The following TP53INP1 variants were observed in gnomAD, a reference collection of about 807,000 sequenced individuals.
The protein encoded by TP53INP1 is tumor protein p53 inducible nuclear protein 1, also known as tumor protein p53-inducible nuclear protein 1.
In TP53INP1, 12 loss-of-function variants were observed where a neutral mutation model predicts 21.0. The observed-to-expected ratio is 0.57, with a 90% CI of 0.37 to 0.93. The LOEUF (loss-of-function observed/expected upper bound fraction) is 0.93. TP53INP1 is among the 40% of genes least tolerant of loss of function. The probability of loss-of-function intolerance (pLI) is 0.01; values close to 1 mark genes in which losing one functional copy is unlikely to be tolerated. For missense variants in TP53INP1, 274 were observed against 294.7 expected, an observed-to-expected ratio of 0.93 and a Z score of 0.51; for synonymous variants, 91 against 94.8, an observed-to-expected ratio of 0.96 and a Z score of 0.23.
At chr8:94,948,586 C>CG (rs1343726648) in intron 1 of TP53INP1, among the ~76,000 whole-genome samples, 3 of 152,128 alleles carry the variant, frequency 2.0e-5, no homozygotes, top group African/African-American at 7.2e-5. Context: ...GCAGGGCCTC[C>CG]GGAACTCGGA....
In TP53INP1 at chr8:94,930,561, A is replaced by C. The variant is rs200978262; in HGVS notation, c.641T>G (p.Leu214Arg). The change falls in exon 4 of 4, where the codon CTT (leucine) becomes CGT (arginine). Residue 214 changes from leucine to arginine, a missense_variant. Leu to Arg is a moderately radical substitution (Grantham distance 102, BLOSUM62 -2). Transcript: ENST00000342697. The part of the protein sequence containing the change: ...LNRNSLRRQN[L>R]TRDCHPRQVK... ...TTGCCGAGGGTGGCAATCCCTGGTA[A>C]GATTTTGGCGACGAAGGCTATTTCT... is the stretch of plus-strand genomic sequence containing the variant. The C allele has an allele frequency of 4.8e-5, 77 of 1,614,094 alleles. No homozygotes were observed. Among genetic ancestry groups the C allele is most frequent in the Non-Finnish European group, 6.3e-5 (74 of 1,180,040 alleles).
chr8:94,927,675 ATAT>A lies in TP53INP1; in HGVS notation c.*2801_*2803del, dbSNP rs2131297049. The stretch of plus-strand genomic sequence containing the variant: ...GAGAAAAAAAATAAACATAAGATAT[ATAT>A]TATAAAATGTTTTGTCAACAAAAAC... On this transcript the variant is annotated 3_prime_UTR_variant, in exon 4 of 4. Transcript: ENST00000342697. 1 of 152,272 alleles carries A rather than the reference ATAT, an allele frequency of 6.6e-6. No homozygotes were observed. Among genetic ancestry groups the A allele is most frequent in the East Asian group, 1.9e-4 (1 of 5,184 alleles). 9.4% of individuals were successfully genotyped at this position (152,272 alleles called of 1,614,324 possible).
intron 3 of TP53INP1, among the ~76,000 whole-genome samples, chr8:94,931,141 C>T (rs1480763796): frequency 1.8e-4 from 28 of 152,094 alleles, no homozygotes; most frequent in Non-Finnish European, 5.9e-5. Flanking sequence ...TATTTTAATT[C>T]CCAAATTTTA....
rs1445642983 is a variant in TP53INP1, at chr8:94,926,405, A to C, written c.*4074T>G. 1 of 111,788 alleles carries C rather than the reference A, an allele frequency of 8.9e-6. No individual in the cohort carries two copies. The highest frequency in any genetic ancestry group is 1.8e-5 in the Non-Finnish European group (1 of 55,866). 6.9% of individuals were successfully genotyped at this position (111,788 alleles called of 1,614,324 possible). A position where few individuals can be genotyped will look rare whatever the true frequency, so the allele number is the denominator to read the frequency against. ...TGTTCACAATTTTACTTGAGAAAAA[A>C]AAACAAAGCCACTTAAAAAAAAAAA... On this transcript the variant is annotated 3_prime_UTR_variant, in exon 4 of 4. Transcript: ENST00000342697.
intron 3 of TP53INP1, among the ~76,000 whole-genome samples, chr8:94,931,555 C>T (rs1036233931): frequency 6.6e-6 from 1 of 150,390 alleles, no homozygotes; most frequent in African/African-American, 2.5e-5. Flanking sequence ...CACATTCTGC[C>T]TAAAATCACT....
chr8:94,931,547 C>T (rs1394702918), intron 3 of TP53INP1, among the ~76,000 whole-genome samples: 2 of 151,820 alleles, frequency 1.3e-5, no homozygotes, highest in African/African-American at 4.8e-5. Flanking sequence ...GGCAGTGACA[C>T]ATTCTGCCTA....
intron 3 of TP53INP1, among the ~76,000 whole-genome samples, chr8:94,936,461 G>A (rs957628953): frequency 6.6e-6 from 1 of 152,178 alleles, no homozygotes; most frequent in East Asian, 1.9e-4. Context: ...CAGTTCCAAC[G>A]TGAACAGACA....
At chr8:94,932,797 C>T (rs951486593) in intron 3 of TP53INP1, among the ~76,000 whole-genome samples, 8 of 150,746 alleles carry the variant, frequency 5.3e-5, no homozygotes, top group South Asian at 4.2e-4. Context: ...AGCGAGACTC[C>T]GTCTCAAAAA....
At chr8:94,932,577 G>A (rs901843313) in intron 3 of TP53INP1, among the ~76,000 whole-genome samples, 1 of 152,216 alleles carries the variant, frequency 6.6e-6, no homozygotes, top group Non-Finnish European at 1.5e-5. Flanking sequence ...GCTGAGGCGG[G>A]CGGATCGTGA....
At chr8:94,945,349 T>C (rs747920040) in intron 1 of TP53INP1, 5 of 152,242 alleles carry the variant, frequency 3.3e-5, no homozygotes, top group Non-Finnish European at 5.9e-5. Context: ...ATTGATTACA[T>C]GTTGAAAAAA....
chr8:94,941,884 G>A (rs1442591189), intron 1 of TP53INP1, among the ~76,000 whole-genome samples: 1 of 152,094 alleles, frequency 6.6e-6, no homozygotes, highest in East Asian at 1.9e-4. Context: ...ATTTCTACCT[G>A]GCTACCTGAT....
At chr8:94,948,982 C>A (rs1262978824) in intron 1 of TP53INP1, among the ~76,000 whole-genome samples, 172 bp downstream of exon 1, 1 of 150,188 alleles carries the variant, frequency 6.7e-6, no homozygotes, top group Non-Finnish European at 1.5e-5. Context: ...GGCGGCCGGG[C>A]CCGGCGGCGG....
intron 3 of TP53INP1, among the ~76,000 whole-genome samples, chr8:94,932,480 A>C (rs1243058542): frequency 6.6e-6 from 1 of 152,230 alleles, no homozygotes; most frequent in Non-Finnish European, 1.5e-5. Flanking sequence ...CCTGATTTCC[A>C]CCTTGATTTA....
Position 94,930,544 on chromosome 8 carries a change from G to T in TP53INP1, c.658C>A (p.Pro220Thr), listed in dbSNP as rs1428797981. 6.2e-7 allele frequency: 1 copy of T among 1,614,214 alleles called. No individual in the cohort carries two copies. Residue 220 changes from proline to threonine, a missense_variant, in exon 4 of 4, where the codon CCT becomes ACT. Pro to Thr is a conservative substitution (Grantham distance 38, BLOSUM62 -1). Coordinates refer to ENST00000342697, the MANE Select transcript of TP53INP1 (RefSeq NM_033285.4). ...CAGCCATTGTGCTTGACTTGCCGAG[G>T]GTGGCAATCCCTGGTAAGATTTTGG... ...RRQNLTRDCH[P>T]RQVKHNGWVV... is the part of the protein sequence containing the mutation.
intron 1 of TP53INP1, among the ~76,000 whole-genome samples, chr8:94,944,322 G>T (rs762519875): frequency 9.9e-5 from 15 of 152,218 alleles, no homozygotes; most frequent in Non-Finnish European, 1.8e-4. Context: ...ACTGGCAGCT[G>T]TAAGGCCAAA....
At chr8:94,935,165 A>ATAGG (rs1820856599) in intron 3 of TP53INP1, among the ~76,000 whole-genome samples, 1 of 152,114 alleles carries the variant, frequency 6.6e-6, no homozygotes, top group South Asian at 2.1e-4. Flanking sequence ...AGATAGATAG[A>ATAGG]TAGATAGATA....
At chr8:94,943,672 C>CAG (rs1184309489) in intron 1 of TP53INP1, among the ~76,000 whole-genome samples, 1 of 152,218 alleles carries the variant, frequency 6.6e-6, no homozygotes, top group Admixed American at 6.5e-5. Flanking sequence ...ATTCCTGGTT[C>CAG]AGTTCCTTGT....
chr8:94,933,207 C>T (rs933950181), intron 3 of TP53INP1, among the ~76,000 whole-genome samples: 1 of 152,106 alleles, frequency 6.6e-6, no homozygotes, highest in South Asian at 2.1e-4. Context: ...CAGTGAGACT[C>T]CGTGTTAAAA....
In TP53INP1 at chr8:94,927,829, T is replaced by A. The variant is rs1216107975; in HGVS notation, c.*2650A>T. The A allele has an allele frequency of 1.3e-5, 2 of 152,546 alleles. No individual in the cohort carries two copies. The highest frequency in any genetic ancestry group is 1.3e-4 in the Admixed American group (2 of 15,260). 9.4% of individuals were successfully genotyped at this position (152,546 alleles called of 1,614,324 possible). A position where few individuals can be genotyped will look rare whatever the true frequency, so the allele number is the denominator to read the frequency against. On this transcript the variant is annotated 3_prime_UTR_variant, in exon 4 of 4. Coordinates refer to ENST00000342697, the MANE Select transcript of TP53INP1 (RefSeq NM_033285.4). ...TATGTTAACAGTTTAGAGCTACTAA[T>A]TCAGAGAGGTCTTATTTCTCACTGC... is the stretch of plus-strand genomic sequence containing the variant.
Sources: allele counts gnomAD v4.1 joint callset (sites outside exome capture counted in the v4.1 genomes callset), GRCh38; gene constraint gnomAD v4.1.1; transcripts MANE v1.5; gene names NCBI Gene and HGNC (gene_info 2026-07-23, HGNC 2026-07-21).